The following PPP3CC variants were observed in gnomAD, a reference collection of about 807,000 sequenced individuals.
PPP3CC encodes protein phosphatase 3 catalytic subunit gamma, also known as serine/threonine-protein phosphatase 2B catalytic subunit gamma isoform.
Under a neutral mutation model 60.3 loss-of-function variants are expected in PPP3CC, and 35 were observed. That is an observed-to-expected ratio of 0.58 (90% CI 0.44 to 0.77). The LOEUF (loss-of-function observed/expected upper bound fraction) is 0.77, where lower values mean the gene tolerates loss of function less well. PPP3CC is among the 30% of genes least tolerant of loss of function. The probability of loss-of-function intolerance (pLI) is 0.00; values close to 1 mark genes in which losing one functional copy is unlikely to be tolerated. For synonymous variants in PPP3CC, 206 were observed against 224.3 expected (o/e 0.92, Z 0.73); for missense variants, 570 against 628.9 (o/e 0.91, Z 1.00).
chr8:22,472,789 G>A (rs1436339045), intron 1 of PPP3CC, among the ~76,000 whole-genome samples: 2 of 152,124 alleles, frequency 1.3e-5, no homozygotes, highest in African/African-American at 2.4e-5. Flanking sequence ...TTCACTGTGA[G>A]TTTTGTTGGG....
intron 1 of PPP3CC, among the ~76,000 whole-genome samples, chr8:22,457,035 TCCTCCCTCCCTTCCTTCCCCTC>T (rs1837219855): frequency 1.9e-5 from 1 of 51,618 alleles, no homozygotes; most frequent in Non-Finnish European, 3.5e-5. Flanking sequence ...CTTCCTCCCT[TCCTCCCTCCCTTCCTTCCCCTC>T]CCTCCCTCCC....
At chr8:22,492,886 A>C in intron 3 of PPP3CC, 1 of 1,135,742 alleles carries the variant, frequency 8.8e-7, no homozygotes, top group South Asian at 1.2e-5. Context: ...GGCCATGCTG[A>C]GACAAAGCAG....
intron 1 of PPP3CC, among the ~76,000 whole-genome samples, chr8:22,450,021 C>T (rs1836962047): frequency 6.6e-6 from 1 of 151,924 alleles, no homozygotes; most frequent in Non-Finnish European, 1.5e-5. Context: ...TGTGCGCCAC[C>T]ACACCCAGCT....
chr8:22,523,366 C>CT (rs1361257569), intron 8 of PPP3CC, among the ~76,000 whole-genome samples: 16 of 151,878 alleles, frequency 1.1e-4, no homozygotes, highest in South Asian at 8.3e-4. Flanking sequence ...CTGTTAAAGT[C>CT]TTTTTTTTAA....
rs536122666 is a variant in PPP3CC at position 22,509,206 on chromosome 8, G to T, written c.485-1880G>T. 5.3e-5 allele frequency among the ~76,000 whole-genome samples: 8 copies of T among 152,198 alleles called. No homozygotes were observed. In the South Asian group the frequency reaches 1.7e-3, roughly 32 times the overall value. On this transcript the variant is annotated intron_variant, in intron 4 of 13. Transcript: ENST00000240139. Reference sequence around the variant, plus strand: ...GCCACCCATATAGTACTGCAGTCTGGCCCAAATCTGGACCCATCATTCTTC... The same window carrying T: ...GCCACCCATATAGTACTGCAGTCTGTCCCAAATCTGGACCCATCATTCTTC...
chr8:22,469,566 A>G (rs555914596), intron 1 of PPP3CC, among the ~76,000 whole-genome samples: 59 of 148,702 alleles, frequency 4.0e-4, no homozygotes, highest in African/African-American at 1.3e-3. Context: ...AAAAAGAGGG[A>G]AAAAAAAAAG....
chr8:22,498,738 A>T (rs1356349178), intron 4 of PPP3CC, among the ~76,000 whole-genome samples: 4 of 152,342 alleles, frequency 2.6e-5, no homozygotes, highest in Non-Finnish European at 4.4e-5. Context: ...ACACACAATC[A>T]TATATGTAGC....
intron 12 of PPP3CC, among the ~76,000 whole-genome samples, chr8:22,535,582 G>A (rs920424277): frequency 5.9e-5 from 9 of 151,568 alleles, no homozygotes; most frequent in Admixed American, 3.3e-4. Flanking sequence ...GGCAGCGCCC[G>A]GTTGCTGGGC....
At chr8:22,481,833 G>C (rs1263148530) in intron 3 of PPP3CC, among the ~76,000 whole-genome samples, 2 of 152,046 alleles carry the variant, frequency 1.3e-5, no homozygotes. Context: ...ATGGTTTCCA[G>C]CTTCATCCAT....
intron 3 of PPP3CC, among the ~76,000 whole-genome samples, chr8:22,488,586 T>G (rs1294830093): frequency 6.6e-6 from 1 of 152,226 alleles, no homozygotes; most frequent in Non-Finnish European, 1.5e-5. Context: ...TGTGTTAGAT[T>G]CTGGGGATCT....
intron 3 of PPP3CC, among the ~76,000 whole-genome samples, chr8:22,492,201 ATTGTG>A (rs1479255981): frequency 6.6e-6 from 1 of 152,016 alleles, no homozygotes; most frequent in Non-Finnish European, 1.5e-5. Flanking sequence ...AAGGGTAAGT[ATTGTG>A]TGTCTAAACA....
intron 1 of PPP3CC, among the ~76,000 whole-genome samples, chr8:22,458,038 C>T (rs555338268): frequency 4.1e-4 from 62 of 152,262 alleles, no homozygotes; most frequent in African/African-American, 1.4e-3. Context: ...ATGCAGTGAG[C>T]CGAGATCGTG....
chr8:22,492,820 A>G, intron 3 of PPP3CC: 12 of 992,040 alleles, frequency 1.2e-5, no homozygotes, highest in Non-Finnish European at 1.8e-5. Context: ...TTACAAACCA[A>G]GGAACAGTGA....
chr8:22,468,123 A>T (rs1432131480), intron 1 of PPP3CC, among the ~76,000 whole-genome samples: 2 of 151,904 alleles, frequency 1.3e-5, no homozygotes, highest in African/African-American at 4.8e-5. Context: ...TGTTTTTTTG[A>T]GGCAGAGTCT....
At chr8:22,528,481 T>C in intron 9 of PPP3CC, 25 bp from the exon 10 acceptor site, 1 of 1,466,502 alleles carries the variant, frequency 6.8e-7, no homozygotes, top group Non-Finnish European at 9.2e-7. Context: ...ATCGCGTAAA[T>C]TTTGGATTAT....
chr8:22,477,353 T>G (rs1837921137), intron 3 of PPP3CC, among the ~76,000 whole-genome samples: 1 of 151,952 alleles, frequency 6.6e-6, no homozygotes, highest in Non-Finnish European at 1.5e-5. Flanking sequence ...GGTGGGCGCC[T>G]GTAATCCCAG....
chr8:22,444,912 A>G (rs960087535), intron 1 of PPP3CC, among the ~76,000 whole-genome samples: 3 of 152,064 alleles, frequency 2.0e-5, no homozygotes, highest in African/African-American at 7.2e-5. Context: ...TTTCTTTGAC[A>G]GTGATTTTTA....
chr8:22,517,597 A>G (rs1373463352), intron 6 of PPP3CC, among the ~76,000 whole-genome samples: 2 of 151,928 alleles, frequency 1.3e-5, no homozygotes, highest in African/African-American at 2.4e-5. Context: ...GGCAGGTTGT[A>G]TATTTCCAGA....
chr8:22,486,167 A>G (rs975875792), intron 3 of PPP3CC, among the ~76,000 whole-genome samples: 1 of 152,112 alleles, frequency 6.6e-6, no homozygotes, highest in Admixed American at 6.6e-5. Flanking sequence ...CCATTCCTCT[A>G]CTGTTGGAAA....
Sources: allele counts gnomAD v4.1 joint callset (sites outside exome capture counted in the v4.1 genomes callset), GRCh38; gene constraint gnomAD v4.1.1; transcripts MANE v1.5; gene names NCBI Gene and HGNC (gene_info 2026-07-23, HGNC 2026-07-21).